Variants in DLG2 observed in about 807,000 individuals in gnomAD.
DLG2 encodes disks large homolog 2.
In DLG2, 45 loss-of-function variants were observed where a neutral mutation model predicts 132.5. That is an observed-to-expected ratio of 0.34 (90% CI 0.27 to 0.44). The LOEUF is 0.44. DLG2 is among the 20% of genes least tolerant of loss of function. DLG2 has a pLI of 1.00. For synonymous variants in DLG2, 424 were observed against 419.6 expected (o/e 1.01, Z -0.13); for missense variants, 1,045 against 1,196.9 (o/e 0.87, Z 1.87).
intron 6 of DLG2, among the ~76,000 whole-genome samples, chr11:84,564,477 C>T (rs1565314070): frequency 6.6e-6 from 1 of 152,120 alleles, no homozygotes. Flanking sequence ...GACTGCAAGG[C>T]AGGGGGGTTG....
chr11:84,177,988 G>C (rs1415524505), intron 8 of DLG2, among the ~76,000 whole-genome samples: 1 of 117,710 alleles, frequency 8.5e-6, no homozygotes, highest in Non-Finnish European at 1.9e-5. Context: ...CATATAGCAA[G>C]TTAAAAATGA....
At chr11:84,070,581 C>A (rs575856264) in intron 10 of DLG2, among the ~76,000 whole-genome samples, 1 of 152,290 alleles carries the variant, frequency 6.6e-6, no homozygotes, top group East Asian at 1.9e-4. Context: ...AGATGTAGAT[C>A]AACATATATG....
intron 7 of DLG2, among the ~76,000 whole-genome samples, chr11:84,328,091 G>A (rs1277646954): frequency 6.6e-6 from 1 of 152,190 alleles, no homozygotes; most frequent in African/African-American, 2.4e-5. Flanking sequence ...AGCAGAAAAG[G>A]TAGTGTAGGA....
chr11:85,049,057 T>C lies in DLG2; in HGVS notation c.357+62604A>G, dbSNP rs1013773342. ...TGTTCTTCAAGTACTTTGTATACAT[T>C]CGTCATTCTCTATGAGTATATTGTG... On this transcript the variant is annotated intron_variant, in intron 6 of 27. Coordinates refer to ENST00000376104, the MANE Select transcript of DLG2 (RefSeq NM_001142699.3). Among the ~76,000 whole-genome samples, 7 of 152,046 alleles carry C rather than the reference T, an allele frequency of 4.6e-5. No individual in the cohort carries two copies. The South Asian group carries it at 1.4e-3, about 31-fold the overall frequency.
chr11:84,884,536 G>A (rs2087899668), intron 6 of DLG2, among the ~76,000 whole-genome samples: 1 of 152,150 alleles, frequency 6.6e-6, no homozygotes, highest in Non-Finnish European at 1.5e-5. Flanking sequence ...AGCAGTGACA[G>A]TAATGGGTGA....
chr11:84,170,699 A>T (rs543793606), intron 8 of DLG2, among the ~76,000 whole-genome samples: 185 of 152,304 alleles, frequency 1.2e-3, no homozygotes, highest in Non-Finnish European at 2.1e-3. Flanking sequence ...GACAGCACTG[A>T]CCTTAAGAGT....
chr11:84,383,887 C>A (rs149140896), intron 7 of DLG2, among the ~76,000 whole-genome samples: 1 of 151,996 alleles, frequency 6.6e-6, no homozygotes, highest in Non-Finnish European at 1.5e-5. Context: ...AGGGACTGTT[C>A]GTGGAAATGT....
intron 3 of DLG2, among the ~76,000 whole-genome samples, chr11:85,498,576 A>G (rs887299450): frequency 6.6e-6 from 1 of 152,128 alleles, no homozygotes; most frequent in African/African-American, 2.4e-5. Flanking sequence ...TGCACCAAGC[A>G]GACCTAATAG....
intron 6 of DLG2, among the ~76,000 whole-genome samples, chr11:84,936,136 AAAG>A (rs1338433724): frequency 6.6e-6 from 1 of 152,212 alleles, no homozygotes; most frequent in African/African-American, 2.4e-5. Context: ...TGTTACCTAG[AAAG>A]AAGAATGTTA....
intron 6 of DLG2, among the ~76,000 whole-genome samples, chr11:84,602,623 CA>C (rs967533071): frequency 6.6e-6 from 1 of 151,852 alleles, no homozygotes; most frequent in Non-Finnish European, 1.5e-5. Context: ...CTATTATCAC[CA>C]AAAAGCAAGT....
intron 6 of DLG2, among the ~76,000 whole-genome samples, chr11:84,962,563 G>T (rs981191695): frequency 6.6e-6 from 1 of 152,140 alleles, no homozygotes; most frequent in Non-Finnish European, 1.5e-5. Flanking sequence ...TCACTGATGT[G>T]TTCATGTCCC....
intron 11 of DLG2, among the ~76,000 whole-genome samples, chr11:84,016,869 A>C (rs934080939): frequency 3.3e-5 from 5 of 152,130 alleles, no homozygotes; most frequent in Non-Finnish European, 1.5e-5. Flanking sequence ...TCAAGGTTGC[A>C]GTATTAATTA....
chr11:83,721,154 G>A (rs1310094392), intron 18 of DLG2, among the ~76,000 whole-genome samples: 1 of 152,054 alleles, frequency 6.6e-6, no homozygotes, highest in Non-Finnish European at 1.5e-5. Context: ...AAGAGAAGGG[G>A]GATAGCAGTT....
chr11:84,154,581 G>A (rs1282176651), intron 9 of DLG2, among the ~76,000 whole-genome samples: 1 of 152,130 alleles, frequency 6.6e-6, no homozygotes, highest in Non-Finnish European at 1.5e-5. Context: ...CATGTGCTGT[G>A]TTGGTGTGCT....
chr11:84,181,960 G>A (rs1448414079), intron 8 of DLG2, among the ~76,000 whole-genome samples: 1 of 152,060 alleles, frequency 6.6e-6, no homozygotes, highest in Non-Finnish European at 1.5e-5. Context: ...TATCAAAAAT[G>A]GATGGGCCTA....
At chr11:83,722,915 C>T (rs565027031) in intron 18 of DLG2, among the ~76,000 whole-genome samples, 188 of 152,192 alleles carry the variant, frequency 1.2e-3, no homozygotes, top group African/African-American at 4.4e-3. Flanking sequence ...AAGTCCAGAA[C>T]GTATGTTACA....
rs369651884 is a variant in DLG2 at position 84,251,637 on chromosome 11, C to CTTTTTTTTTTTTTTTTTTTTTTTT, written c.520-347_520-346insAAAAAAAAAAAAAAAAAAAAAAAA. 1.5e-5 allele frequency among the ~76,000 whole-genome samples: 2 copies of CTTTTTTTTTTTTTTTTTTTTTTTT among 130,040 alleles called. 1 individual carries two copies. Among genetic ancestry groups the CTTTTTTTTTTTTTTTTTTTTTTTT allele is most frequent in the African/African-American group, 5.8e-5 (2 of 34,556 alleles). 85.3% of individuals were successfully genotyped at this position (130,040 alleles called of 152,430 possible). On this transcript the variant is annotated intron_variant, in intron 7 of 27. Coordinates refer to ENST00000376104, the MANE Select transcript of DLG2 (RefSeq NM_001142699.3). ...GTAAGAGTTAAAACTTGTATCTTTT[C>CTTTTTTTTTTTTTTTTTTTTTTTT]TTTCTTTTTTTTTTTTTTTTGTGAG...
chr11:85,568,061 C>T (rs959363750), intron 3 of DLG2, among the ~76,000 whole-genome samples: 3 of 146,800 alleles, frequency 2.0e-5, no homozygotes, highest in Non-Finnish European at 4.5e-5. Flanking sequence ...GTTGCCCAGG[C>T]TGGAGTGCAA....
intron 16 of DLG2, among the ~76,000 whole-genome samples, chr11:83,845,417 C>T (rs530660640): frequency 7.6e-4 from 115 of 152,218 alleles, no homozygotes; most frequent in African/African-American, 2.6e-3. Context: ...CAGAAGGATG[C>T]AGTATAATGT....
Sources: allele counts gnomAD v4.1 joint callset (sites outside exome capture counted in the v4.1 genomes callset), GRCh38; gene constraint gnomAD v4.1.1; transcripts MANE v1.5; gene names NCBI Gene and HGNC (gene_info 2026-07-23, HGNC 2026-07-21).